Variants in CADM2 observed in about 807,000 individuals in gnomAD.
CADM2 encodes the protein cell adhesion molecule 2, also known as immunoglobulin superfamily member 4D.
CADM2 carries 12 observed loss-of-function variants against 49.8 expected under a neutral mutation model. The observed-to-expected ratio is 0.24, with a 90% CI of 0.15 to 0.39. The LOEUF (loss-of-function observed/expected upper bound fraction) is 0.39. Ranked by LOEUF, CADM2 falls within the 10% of genes least tolerant of loss-of-function variation. The probability of loss-of-function intolerance (pLI) is 1.00; values close to 1 mark genes in which losing one functional copy is unlikely to be tolerated. For synonymous variants in CADM2, 214 were observed against 175.4 expected (o/e 1.22, Z -1.74); for missense variants, 378 against 492.3 (o/e 0.77, Z 2.20).
intron 3 of CADM2, among the ~76,000 whole-genome samples, chr3:85,815,411 T>A (rs1444814481): frequency 6.6e-6 from 1 of 152,136 alleles, no homozygotes; most frequent in Non-Finnish European, 1.5e-5. Context: ...TCAAGTCGGC[T>A]TCATACTTGG....
At chr3:85,864,487 T>C (rs188937253) in intron 3 of CADM2, among the ~76,000 whole-genome samples, 3 of 152,310 alleles carry the variant, frequency 2.0e-5, no homozygotes, top group Non-Finnish European at 2.9e-5. Flanking sequence ...CATTCCATTA[T>C]GCTGGATTTA....
intron 3 of CADM2, among the ~76,000 whole-genome samples, chr3:85,839,784 CAT>C (rs1471983372): frequency 6.6e-6 from 1 of 151,814 alleles, no homozygotes; most frequent in Non-Finnish European, 1.5e-5. Flanking sequence ...TTAGTTACCA[CAT>C]GTTAGACTAA....
chr3:85,915,858 C>T (rs1311124097), intron 6 of CADM2, among the ~76,000 whole-genome samples: 2 of 151,932 alleles, frequency 1.3e-5, no homozygotes, highest in Admixed American at 1.3e-4. Context: ...AGTGGTAAGT[C>T]AAAAGAGTAA....
intron 1 of CADM2, among the ~76,000 whole-genome samples, chr3:85,037,644 T>C (rs1381298837): frequency 6.6e-6 from 1 of 152,148 alleles, no homozygotes; most frequent in Non-Finnish European, 1.5e-5. Flanking sequence ...GTGGTAGACT[T>C]TTCTCTCCTA....
At chr3:85,536,903 A>G (rs1353868824) in intron 1 of CADM2, among the ~76,000 whole-genome samples, 3 of 151,986 alleles carry the variant, frequency 2.0e-5, no homozygotes, top group African/African-American at 7.2e-5. Context: ...TAGAATTTAC[A>G]TATGGCACAT....
At chr3:84,980,119 G>T (rs901665750) in intron 1 of CADM2, among the ~76,000 whole-genome samples, 4 of 152,152 alleles carry the variant, frequency 2.6e-5, no homozygotes, top group African/African-American at 9.7e-5. Context: ...TCATTATGGA[G>T]CAAAGCTAAT....
intron 1 of CADM2, among the ~76,000 whole-genome samples, chr3:85,616,900 C>G (rs1323030050): frequency 6.6e-6 from 1 of 152,022 alleles, no homozygotes; most frequent in Non-Finnish European, 1.5e-5. Context: ...TACTAACAAA[C>G]TTGGCTAAGA....
intron 1 of CADM2, among the ~76,000 whole-genome samples, chr3:85,488,120 A>T (rs568187123): frequency 6.6e-5 from 10 of 152,262 alleles, no homozygotes; most frequent in African/African-American, 2.2e-4. Context: ...AAGAAATAAA[A>T]TTTTTCTGTA....
chr3:85,116,157 T>C (rs912255742), intron 1 of CADM2, among the ~76,000 whole-genome samples: 5 of 152,070 alleles, frequency 3.3e-5, no homozygotes, highest in Admixed American at 3.3e-4. Flanking sequence ...TGAAACCCAG[T>C]CTCTACTAAA....
At chr3:85,311,928 T>C (rs1053786783) in intron 1 of CADM2, among the ~76,000 whole-genome samples, 3 of 152,234 alleles carry the variant, frequency 2.0e-5, no homozygotes, top group Non-Finnish European at 4.4e-5. Flanking sequence ...AATGTGACTA[T>C]GTCCTTGTGG....
chr3:85,288,817 A>C (rs968039470), intron 1 of CADM2, among the ~76,000 whole-genome samples: 29 of 123,202 alleles, frequency 2.4e-4, no homozygotes, highest in Non-Finnish European at 4.2e-4. Flanking sequence ...ATCATGGCTA[A>C]TTTCTCAGAG....
At chr3:85,884,004 G>T (rs933682637) in intron 4 of CADM2, among the ~76,000 whole-genome samples, 24 of 152,034 alleles carry the variant, frequency 1.6e-4, no homozygotes, top group African/African-American at 5.8e-4. Flanking sequence ...ACCTAATGTC[G>T]CTTCAGCTTG....
chr3:85,307,974 A>T, intron 1 of CADM2, among the ~76,000 whole-genome samples: 1 of 151,462 alleles, frequency 6.6e-6, no homozygotes, highest in East Asian at 1.9e-4. Context: ...TTTTTAAAAA[A>T]GGTTTAAATT....
At chr3:85,652,796 TAGACA>T (rs2065089297) in intron 1 of CADM2, among the ~76,000 whole-genome samples, 1 of 143,340 alleles carries the variant, frequency 7.0e-6, no homozygotes. Flanking sequence ...TTTTTTTTTT[TAGACA>T]GAGTCTTGCT....
chr3:85,928,572 A>G (rs995948298), intron 6 of CADM2, among the ~76,000 whole-genome samples: 13 of 152,184 alleles, frequency 8.5e-5, no homozygotes, highest in African/African-American at 3.1e-4. Context: ...AAAATCTAGG[A>G]AAACAATGGG....
At chr3:85,593,079 C>T (rs938461118) in intron 1 of CADM2, among the ~76,000 whole-genome samples, 1 of 151,934 alleles carries the variant, frequency 6.6e-6, no homozygotes, top group Admixed American at 6.6e-5. Context: ...CTATTTTTCC[C>T]TATTTTATTT....
At chr3:86,049,014 A>AAAG (rs1737012337) in intron 8 of CADM2, among the ~76,000 whole-genome samples, 1 of 152,140 alleles carries the variant, frequency 6.6e-6, no homozygotes, top group African/African-American at 2.4e-5. Flanking sequence ...TTTCTTTAGT[A>AAAG]AAGAATTGTT....
chr3:85,654,963 T>A (rs2065153086), intron 1 of CADM2, among the ~76,000 whole-genome samples: 1 of 152,150 alleles, frequency 6.6e-6, no homozygotes, highest in Non-Finnish European at 1.5e-5. Context: ...TTCCCAGCAT[T>A]TTATTGTTGA....
chr3:85,554,878 TTTTA>T (rs145225651), intron 1 of CADM2, among the ~76,000 whole-genome samples: 76,660 of 136,886 alleles, frequency 0.56, 22,589 homozygotes, highest in East Asian at 0.86. Context: ...TTTTTTTTAT[TTTTA>T]TTTTTTTTTT....
Sources: gnomAD v4.1 joint callset for allele counts (sites outside exome capture counted in the v4.1 genomes callset) on GRCh38, gnomAD v4.1.1 for gene constraint, MANE v1.5 for transcripts, NCBI Gene and HGNC (gene_info 2026-07-23, HGNC 2026-07-21) for gene names.